MKRN2OS: variants seen among roughly 807,000 people sequenced by gnomAD.
The protein encoded by MKRN2OS is MKRN2 opposite strand protein.
In MKRN2OS, 17 loss-of-function variants were observed where a neutral mutation model predicts 18.2. The observed-to-expected ratio is 0.93, with a 90% CI of 0.64 to 1.40. The LOEUF (loss-of-function observed/expected upper bound fraction) is 1.40, where lower values mean the gene tolerates loss of function less well. Among genes scored for constraint, MKRN2OS ranks in the 40% most tolerant of loss-of-function variants. The pLI, the probability that MKRN2OS is intolerant of heterozygous loss-of-function variation, is 0.00. For missense variants in MKRN2OS, 337 were observed against 283.0 expected (o/e 1.19, Z -1.37); for synonymous variants, 121 against 108.5 (o/e 1.12, Z -0.72).
At chr3:12,544,560 C>T (rs914015679) in intron 1 of MKRN2OS, among the ~76,000 whole-genome samples, 7 of 151,838 alleles carry the variant, frequency 4.6e-5, no homozygotes, top group Non-Finnish European at 1.0e-4. Flanking sequence ...CCTGTAATCC[C>T]AGCTACTCGG....
intron 3 of MKRN2OS, 102 bp downstream of exon 3, chr3:12,541,758 A>T: frequency 8.2e-7 from 1 of 1,222,026 alleles, no homozygotes; most frequent in Non-Finnish European, 1.1e-6. Context: ...GCTCAACATG[A>T]AGCTAAGTGC....
At position 12,540,396 on chromosome 3, in the gene MKRN2OS, G is replaced by C; in HGVS notation, c.469C>G (p.Leu157Val). 1.3e-6 allele frequency: 2 copies of C among 1,536,130 alleles called. No individual in the cohort carries two copies. Among genetic ancestry groups the C allele is most frequent in the Non-Finnish European group, 1.7e-6 (2 of 1,146,910 alleles). The part of the protein sequence containing the change: ...DNHHNCYSYA[L>V]TFINCVLMAE... ...ATCAGAACGCAGTTAATGAACGTGA[G>C]TGCGTAAGAGTAGCAGTTATGGTGG... The change falls in exon 4 of 4, where the codon CTC (leucine) becomes GTC (valine). Residue 157 changes from leucine (L) to valine (V), a missense_variant. Leu to Val is a conservative substitution (Grantham distance 32, BLOSUM62 1). Transcript: ENST00000564146.
At chr3:12,554,244 G>T (rs2057949603) in intron 1 of MKRN2OS, 1 of 152,290 alleles carries the variant, frequency 6.6e-6, no homozygotes, top group East Asian at 1.9e-4. Context: ...CGGGTTCCCT[G>T]GGGGTGAGGA....
In MKRN2OS at chr3:12,540,540, C is replaced by T. The variant is rs1017158948; in HGVS notation, c.432-107G>A. ...AAATCGGGTGCCTCAGCAAGCAAGG[C>T]CCCTGCATGTGCTGGCTTATGTGGT... On this transcript the variant is annotated intron_variant, in intron 3 of 3. Coordinates refer to ENST00000564146, the MANE Select transcript of MKRN2OS (RefSeq NM_001195279.2). The T allele has an allele frequency of 1.1e-5, 15 of 1,309,444 alleles. No individual in the cohort carries two copies. The African/African-American group carries it at 1.3e-4, about 11-fold the overall frequency. 81.1% of individuals were successfully genotyped at this position (1,309,444 alleles called of 1,614,324 possible). A position where few individuals can be genotyped will look rare whatever the true frequency, so the allele number is the denominator to read the frequency against.
upstream of MKRN2OS, among the ~76,000 whole-genome samples, chr3:12,550,495 A>G (rs190178979): frequency 1.8e-4 from 28 of 152,320 alleles, no homozygotes; most frequent in East Asian, 4.1e-3. Flanking sequence ...GTCATTATAC[A>G]TTTGTCAAAA....
upstream of MKRN2OS, among the ~76,000 whole-genome samples, chr3:12,548,004 T>C (rs1053744852): frequency 6.6e-6 from 1 of 151,982 alleles, no homozygotes; most frequent in African/African-American, 2.4e-5. Flanking sequence ...AGATTGTTCA[T>C]TATTAATACA....
chr3:12,547,872 G>C (rs908380841), upstream of MKRN2OS, among the ~76,000 whole-genome samples: 9 of 152,276 alleles, frequency 5.9e-5, no homozygotes, highest in Middle Eastern at 3.4e-3. Flanking sequence ...TATAACATGA[G>C]AATGATCATC....
At chr3:12,557,098 G>A (rs1288665268) in intron 1 of MKRN2OS, 8 of 1,484,034 alleles carry the variant, frequency 5.4e-6, no homozygotes, top group East Asian at 2.9e-5. Flanking sequence ...AGGCCGAGGC[G>A]GCAGCGGCTG....
intron 1 of MKRN2OS, chr3:12,556,928 C>T (rs1020890071): frequency 2.4e-6 from 1 of 416,416 alleles, no homozygotes; most frequent in Non-Finnish European, 4.1e-6. Context: ...ACACCGAGAG[C>T]AGGGATGCCG....
intron 1 of MKRN2OS, among the ~76,000 whole-genome samples, chr3:12,544,785 G>A (rs1228478544): frequency 2.0e-5 from 3 of 152,210 alleles, no homozygotes; most frequent in Non-Finnish European, 4.4e-5. Flanking sequence ...TTAAAGCCAG[G>A]TGGTGTCTAC....
chr3:12,543,059 G>T, intron 2 of MKRN2OS, 121 bp downstream of exon 2: 1 of 794,872 alleles, frequency 1.3e-6, no homozygotes. Context: ...TCATGGTGCA[G>T]TACAAGAACC....
rs1457052944 is a variant in MKRN2OS at position 12,540,277 on chromosome 3, G to A, written c.588C>T (p.Tyr196=). The change falls in exon 4 of 4, where the codon TAC becomes TAT. Residue 196 remains tyrosine, a synonymous_variant. Transcript: ENST00000564146. ...AGAAGCCATGCTCCCGTATCGCCCG[G>A]TAGAGTGTGATGAACTTGGATGCCA... The part of the protein sequence containing the change: ...TRLASKFITL[Y]RAIREHGFYV... The A allele has an allele frequency of 6.5e-7, 1 of 1,536,118 alleles. No homozygotes were observed. Among genetic ancestry groups the A allele is most frequent in the Non-Finnish European group, 8.7e-7 (1 of 1,146,902 alleles).
upstream of MKRN2OS, among the ~76,000 whole-genome samples, chr3:12,546,608 TCTCA>T (rs1476325287): frequency 8.1e-6 from 1 of 122,900 alleles, no homozygotes; most frequent in African/African-American, 3.2e-5. Context: ...TGAGACAGAG[TCTCA>T]CTCTTGTCGC....
At chr3:12,547,124 T>TA (rs1157504319), upstream of MKRN2OS, among the ~76,000 whole-genome samples, 1 of 151,758 alleles carries the variant, frequency 6.6e-6, no homozygotes, top group Admixed American at 6.6e-5. Context: ...AATAAATAAA[T>TA]AAATAAAATA....
Position 12,541,982 on chromosome 3 carries a change from G to T in MKRN2OS, c.309C>A (p.Asp103Glu), listed in dbSNP as rs759946663. Reference sequence around the variant, plus strand: ...TTATGCTCTCTTCCCACCCTTCTCCGTCTCGCTGGACACCATGTGCACTGT... The same window carrying T: ...TTATGCTCTCTTCCCACCCTTCTCCTTCTCGCTGGACACCATGTGCACTGT... ...YNYSAHGVQR[D>E]GEGWEESISI... The change falls in exon 3 of 4, where the codon GAC becomes GAA. Residue 103 changes from aspartate (D) to glutamate (E), a missense_variant. Physicochemically the swap from Asp to Glu is conservative, Grantham distance 45. Coordinates refer to ENST00000564146, the MANE Select transcript of MKRN2OS (RefSeq NM_001195279.2). 1.3e-6 allele frequency: 2 copies of T among 1,535,892 alleles called. No homozygotes were observed. The highest frequency in any genetic ancestry group is 1.7e-6 in the Non-Finnish European group (2 of 1,146,842).
In MKRN2OS at chr3:12,540,139, T is replaced by C; in HGVS notation, c.*54A>G. ...TGCATTTAGAAATCCATAGTACTGA[T>C]TAAAGGTAGCAACCACCCTACCCTC... On this transcript the variant is annotated 3_prime_UTR_variant, in exon 4 of 4. Transcript: ENST00000564146. 2 of 1,534,842 alleles carry C rather than the reference T, an allele frequency of 1.3e-6. No homozygotes were observed. The highest frequency in any genetic ancestry group is 1.7e-6 in the Non-Finnish European group (2 of 1,146,144).
downstream of MKRN2OS, among the ~76,000 whole-genome samples, chr3:12,553,261 T>C (rs1301030702): frequency 1.3e-5 from 2 of 152,104 alleles, no homozygotes; most frequent in Non-Finnish European, 2.9e-5. Flanking sequence ...TACACAAGGA[T>C]GCAAAAATTC....
upstream of MKRN2OS, among the ~76,000 whole-genome samples, chr3:12,548,209 G>A (rs997827179): frequency 3.3e-5 from 5 of 152,178 alleles, no homozygotes; most frequent in Admixed American, 1.3e-4. Flanking sequence ...AGCACTTTGG[G>A]AGGCCGAGGC....
downstream of MKRN2OS, among the ~76,000 whole-genome samples, chr3:12,550,864 T>A (rs1003560890): frequency 7.9e-5 from 12 of 152,184 alleles, no homozygotes; most frequent in African/African-American, 2.9e-4. Flanking sequence ...CTTCCTCTAC[T>A]AACATAGTTT....
Sources: gnomAD v4.1 joint callset for allele counts (sites outside exome capture counted in the v4.1 genomes callset) on GRCh38, gnomAD v4.1.1 for gene constraint, MANE v1.5 for transcripts, NCBI Gene and HGNC (gene_info 2026-07-23, HGNC 2026-07-21) for gene names.